PIK3R4: variants seen among roughly 807,000 people sequenced by gnomAD.
PIK3R4 encodes phosphoinositide 3-kinase regulatory subunit 4.
A neutral mutation model predicts 136.5 loss-of-function variants in PIK3R4; 46 were observed. The ratio of observed to expected loss-of-function variants is 0.34; its 90% CI spans 0.27 to 0.43. The LOEUF (loss-of-function observed/expected upper bound fraction) is 0.43. Ranked by LOEUF, PIK3R4 falls within the 20% of genes least tolerant of loss-of-function variation. The pLI is 1.00. For missense variants in PIK3R4, 1,331 were observed against 1,649.5 expected, an observed-to-expected ratio of 0.81 and a Z score of 3.35; for synonymous variants, 557 against 566.7, an observed-to-expected ratio of 0.98 and a Z score of 0.24.
rs764380710 is a variant in PIK3R4, at chr3:130,686,290, C to T, written c.3396G>A (p.Ala1132=). ...ACTTTAAATCATGCTTTAAAGTCCACGCATTGCTTGAAGACCTAAGGTCCC... is the reference window on the plus strand; with the variant it reads ...ACTTTAAATCATGCTTTAAAGTCCATGCATTGCTTGAAGACCTAAGGTCCC... ...VGWDLRSSSN[A]WTLKHDLKSG... The change falls in exon 15 of 20, where the codon GCG becomes GCA. Residue 1132 remains alanine, a synonymous_variant. Coordinates refer to ENST00000356763, the MANE Select transcript of PIK3R4 (RefSeq NM_014602.3). 4.3e-6 allele frequency: 7 copies of T among 1,613,230 alleles called. No individual in the cohort carries two copies. The highest frequency in any genetic ancestry group is 3.3e-5 in the South Asian group (3 of 91,070).
chr3:130,689,620 A>T (rs1224023145), intron 14 of PIK3R4, among the ~76,000 whole-genome samples: 1 of 152,146 alleles, frequency 6.6e-6, no homozygotes, highest in Non-Finnish European at 1.5e-5. Context: ...ATCATCCACT[A>T]AACAACTCCT....
chr3:130,684,920 A>G (rs1394410178), intron 15 of PIK3R4, among the ~76,000 whole-genome samples: 2 of 152,248 alleles, frequency 1.3e-5, no homozygotes, highest in African/African-American at 2.4e-5. Context: ...CAAAAGGCAA[A>G]AAAAATGCAT....
At chr3:130,718,070 G>A (rs1190685135) in intron 8 of PIK3R4, among the ~76,000 whole-genome samples, 1 of 152,176 alleles carries the variant, frequency 6.6e-6, no homozygotes, top group Non-Finnish European at 1.5e-5. Flanking sequence ...ATAAAAAGCA[G>A]AGGGCCATCA....
chr3:130,696,099 T>C (rs1248234796), intron 13 of PIK3R4, among the ~76,000 whole-genome samples: 1 of 152,122 alleles, frequency 6.6e-6, no homozygotes, highest in Non-Finnish European at 1.5e-5. Context: ...ATAGTACTCT[T>C]TTTTTATTTC....
At chr3:130,688,155 ATTCATCTGTAATACCT>A (rs2066499044) in intron 14 of PIK3R4, among the ~76,000 whole-genome samples, 1 of 152,214 alleles carries the variant, frequency 6.6e-6, no homozygotes, top group Non-Finnish European at 1.5e-5. Context: ...ACCAGAGTTC[ATTCATCTGTAATACCT>A]TTCTCTAACA....
At position 130,707,017 on chromosome 3, in the gene PIK3R4, A is replaced by C. The variant is rs1278900651; in HGVS notation, c.2652T>G (p.Ile884Met). The part of the protein sequence containing the change: ...ALPKGSDQEV[I>M]QTGKPPRSES... ...CGGAACGAGGAGGTTTCCCAGTCTGAATCACCTCCTGATCACTCCCTTTAG... is the reference window on the plus strand; with the variant it reads ...CGGAACGAGGAGGTTTCCCAGTCTGCATCACCTCCTGATCACTCCCTTTAG... The change falls in exon 11 of 20, where the codon ATT becomes ATG. Residue 884 changes from isoleucine (I) to methionine (M), a missense_variant. Physicochemically the swap from Ile to Met is conservative, Grantham distance 10 (BLOSUM62 1). Transcript: ENST00000356763. The C allele has an allele frequency of 1.9e-6, 3 of 1,612,804 alleles. No individual in the cohort carries two copies. The highest frequency in any genetic ancestry group is 2.5e-6 in the Non-Finnish European group (3 of 1,179,454).
Position 130,735,883 on chromosome 3 carries a change from T to G in PIK3R4, c.853A>C (p.Ser285Arg), listed in dbSNP as rs755591570. ...AGCATAGTTACCAATTCTCTGATAC[T>G]GTGATCTTCAATTTTATTTAGCACT... ...EQVLNKIEDH[S>R]IRELVTQMIH... Residue 285 changes from serine (S) to arginine (R), a missense_variant, in exon 3 of 20, where the codon AGT (serine) becomes CGT (arginine). Transcript: ENST00000356763. The G allele has an allele frequency of 3.1e-6, 5 of 1,611,466 alleles. No individual in the cohort carries two copies. The African/African-American group carries it at 5.3e-5, about 17-fold the overall frequency.
At chr3:130,744,419 C>T in intron 2 of PIK3R4, 67 bp downstream of exon 2, 1 of 1,496,148 alleles carries the variant, frequency 6.7e-7, no homozygotes, top group Non-Finnish European at 8.9e-7. Flanking sequence ...TAAAAAAAGC[C>T]ACATTTCTGT....
chr3:130,702,678 GAGAA>G (rs1012984778), intron 13 of PIK3R4, among the ~76,000 whole-genome samples: 4 of 152,226 alleles, frequency 2.6e-5, no homozygotes, highest in East Asian at 3.9e-4. Flanking sequence ...AACCAATACA[GAGAA>G]AGAAAGAAAG....
intron 7 of PIK3R4, among the ~76,000 whole-genome samples, chr3:130,720,374 T>C (rs1036526944): frequency 2.0e-5 from 3 of 152,166 alleles, no homozygotes; most frequent in African/African-American, 4.8e-5. Flanking sequence ...TTTGTATTTT[T>C]AGTAGAGACG....
At chr3:130,736,350 T>C (rs1474294788) in intron 2 of PIK3R4, among the ~76,000 whole-genome samples, 3 of 152,096 alleles carry the variant, frequency 2.0e-5, no homozygotes, top group Non-Finnish European at 4.4e-5. Flanking sequence ...CAGCAGATCA[T>C]CTGATGTCAG....
At chr3:130,701,984 T>C (rs1048871078) in intron 13 of PIK3R4, among the ~76,000 whole-genome samples, 2 of 151,356 alleles carry the variant, frequency 1.3e-5, no homozygotes, top group Admixed American at 1.3e-4. Context: ...AAAAAAAAAT[T>C]TTTTTAATTA....
intron 4 of PIK3R4, among the ~76,000 whole-genome samples, chr3:130,730,714 A>AT (rs1337213380): frequency 1.3e-5 from 2 of 151,992 alleles, no homozygotes; most frequent in Non-Finnish European, 2.9e-5. Context: ...ACCAAAAAAA[A>AT]AAAAAAGCCT....
intron 9 of PIK3R4, among the ~76,000 whole-genome samples, chr3:130,714,541 G>A (rs2066651634): frequency 6.6e-6 from 1 of 152,100 alleles, no homozygotes; most frequent in Non-Finnish European, 1.5e-5. Context: ...TTTGTTACAT[G>A]GATATACGTG....
At chr3:130,740,132 T>C (rs926959152) in intron 2 of PIK3R4, among the ~76,000 whole-genome samples, 2 of 152,120 alleles carry the variant, frequency 1.3e-5, no homozygotes, top group Admixed American at 1.3e-4. Context: ...CTACAATAAT[T>C]TCAAACTAAA....
At chr3:130,726,404 A>G (rs996316975) in intron 6 of PIK3R4, among the ~76,000 whole-genome samples, 1 of 152,122 alleles carries the variant, frequency 6.6e-6, no homozygotes, top group South Asian at 2.1e-4. Context: ...ACAACCAGTA[A>G]GACAGGCACT....
At chr3:130,725,585 GA>G (rs34809976) in intron 6 of PIK3R4, among the ~76,000 whole-genome samples, 39,998 of 144,222 alleles carry the variant, frequency 0.28, 5,652 homozygotes, top group South Asian at 0.39. Flanking sequence ...TACAAAAGTA[GA>G]AAAAAAAAAA....
At chr3:130,721,721 G>A (rs1036970984) in intron 7 of PIK3R4, among the ~76,000 whole-genome samples, 34 of 152,110 alleles carry the variant, frequency 2.2e-4, no homozygotes, top group African/African-American at 7.2e-4. Flanking sequence ...GTAGAATGGT[G>A]GTTACCAGGG....
intron 13 of PIK3R4, among the ~76,000 whole-genome samples, chr3:130,690,889 C>A: frequency 6.8e-6 from 1 of 146,920 alleles, no homozygotes; most frequent in Admixed American, 6.7e-5. Context: ...ACCCCTCCTT[C>A]TCCTCTTTTT....
Sources: gnomAD v4.1 joint callset for allele counts (sites outside exome capture counted in the v4.1 genomes callset) on GRCh38, gnomAD v4.1.1 for gene constraint, MANE v1.5 for transcripts, NCBI Gene and HGNC (gene_info 2026-07-23, HGNC 2026-07-21) for gene names.